The following ARHGAP32 variants were observed in gnomAD, a reference collection of about 807,000 sequenced individuals.
The protein encoded by ARHGAP32 is rho GTPase-activating protein 32.
ARHGAP32 carries 51 observed loss-of-function variants against 186.5 expected under a neutral mutation model. The ratio of observed to expected loss-of-function variants is 0.27; its 90% CI spans 0.22 to 0.35. The LOEUF is 0.35. ARHGAP32 is among the 10% of genes least tolerant of loss of function. The pLI, the probability that ARHGAP32 is intolerant of heterozygous loss-of-function variation, is 1.00. For missense variants in ARHGAP32, 2,186 were observed against 2,623.5 expected (o/e 0.83, Z 3.64); for synonymous variants, 950 against 964.3 (o/e 0.99, Z 0.27).
intron 5 of ARHGAP32, among the ~76,000 whole-genome samples, chr11:129,099,690 A>G (rs144705680): frequency 6.6e-6 from 1 of 152,348 alleles, no homozygotes; most frequent in African/African-American, 2.4e-5. Context: ...AAGTTTAGAA[A>G]CAAAAAAGAA....
Position 129,277,682 on chromosome 11 carries a change from T to C in ARHGAP32, c.-5+1464A>G, listed in dbSNP as rs150678639. Among the ~76,000 whole-genome samples the C allele has an allele frequency of 6.6e-5, 10 of 152,272 alleles. No individual in the cohort carries two copies. In the East Asian group the frequency reaches 1.5e-3, roughly 23 times the overall value. ...ACACAATTCCAACCTGACATTTCCA[T>C]AGAGACACCTGCTCTATGAAGCATC... On this transcript the variant is annotated intron_variant, in intron 1 of 6. Transcript: ENST00000525234.
At chr11:129,066,047 T>A (rs1427671301) in intron 7 of ARHGAP32, among the ~76,000 whole-genome samples, 1 of 152,176 alleles carries the variant, frequency 6.6e-6, no homozygotes, top group East Asian at 1.9e-4. Flanking sequence ...ATCCATTTCA[T>A]GAATGTGACA....
chr11:128,973,803 G>C (rs895122666), intron 21 of ARHGAP32: 22 of 508,098 alleles, frequency 4.3e-5, no homozygotes, highest in Non-Finnish European at 6.2e-5. Context: ...AACTTGGAAG[G>C]CTACAATAAA....
At chr11:129,141,875 G>C (rs1943061696) in intron 2 of ARHGAP32, among the ~76,000 whole-genome samples, 1 of 151,940 alleles carries the variant, frequency 6.6e-6, no homozygotes, top group Non-Finnish European at 1.5e-5. Context: ...AAAGGAAAGA[G>C]AGAAAGAGAA....
rs1398274096 is a variant in ARHGAP32, at chr11:128,976,593, C to T, written c.2164G>A (p.Glu722Lys). 1 of 1,613,956 alleles carries T rather than the reference C, an allele frequency of 6.2e-7. No homozygotes were observed. The highest frequency in any genetic ancestry group is 8.5e-7 in the Non-Finnish European group (1 of 1,179,896). ...ACTGCATGGAGAGATGTAAGAGACT[C>T]CTCACTTTTAGCTGAACGGAGGGTT... ...EGTLRSAKSEESLTSLHAVDG... is the reference protein window; with the variant it reads ...EGTLRSAKSEKSLTSLHAVDG... Residue 722 changes from glutamate (E) to lysine (K), a missense_variant, in exon 20 of 23, where the codon GAG becomes AAG. Coordinates refer to ENST00000682385, the MANE Select transcript of ARHGAP32 (RefSeq NM_001378024.1).
chr11:129,071,362 A>G (rs1423155156), intron 6 of ARHGAP32, among the ~76,000 whole-genome samples: 1 of 148,272 alleles, frequency 6.7e-6, no homozygotes, highest in Non-Finnish European at 1.5e-5. Flanking sequence ...AACTCTACAG[A>G]AAAAAAAAAT....
intron 2 of ARHGAP32, among the ~76,000 whole-genome samples, chr11:129,139,588 T>C (rs1943006748): frequency 6.6e-6 from 1 of 152,126 alleles, no homozygotes; most frequent in Non-Finnish European, 1.5e-5. Context: ...CGGGTCTTTC[T>C]TGTGCTGTTC....
chr11:129,114,352 A>G (rs1220221373), intron 5 of ARHGAP32, among the ~76,000 whole-genome samples: 1 of 152,166 alleles, frequency 6.6e-6, no homozygotes, highest in African/African-American at 2.4e-5. Flanking sequence ...GCCACAGGAC[A>G]TAATCTCTCT....
At chr11:129,195,535 C>G (rs1451918793), upstream of ARHGAP32, among the ~76,000 whole-genome samples, 1 of 151,916 alleles carries the variant, frequency 6.6e-6, no homozygotes, top group East Asian at 1.9e-4. Context: ...GGATTACAGG[C>G]ACCCGCCACC....
intron 1 of ARHGAP32, among the ~76,000 whole-genome samples, chr11:129,217,154 T>A (rs1944658921): frequency 1.3e-5 from 2 of 152,196 alleles, no homozygotes; most frequent in East Asian, 3.8e-4. Context: ...GGAGCATGAA[T>A]AATCAGTGTG....
Position 128,970,132 on chromosome 11 carries a change from G to C in ARHGAP32, c.5081C>G (p.Pro1694Arg), listed in dbSNP as rs2136061981. The change falls in exon 23 of 23, where the codon CCC becomes CGC. Residue 1694 changes from proline to arginine, a missense_variant. Transcript: ENST00000682385. This position sits in a 1 kb window ranked among gnomAD's most constrained non-coding sequence, Gnocchi z 5.8. ...VDAYGTVQLR[P>R]LHRLPNRDFA... is the part of the protein sequence containing the mutation. ...GTCTCGATTGGGAAGGCGGTGAAGG[G>C]GTCTCAACTGGACTGTGCCATAGGC... 1.9e-6 allele frequency: 3 copies of C among 1,614,156 alleles called. No homozygotes were observed. Among genetic ancestry groups the C allele is most frequent in the Non-Finnish European group, 2.5e-6 (3 of 1,180,026 alleles).
At chr11:129,279,333 C>T (rs1485976720), upstream of ARHGAP32, 1 of 144,940 alleles carries the variant, frequency 6.9e-6, no homozygotes, top group Non-Finnish European at 1.5e-5. Context: ...GCGTCCCCCG[C>T]GCCAGCGCCT....
chr11:129,162,317 T>C (rs1433692379), intron 2 of ARHGAP32, among the ~76,000 whole-genome samples: 1 of 152,004 alleles, frequency 6.6e-6, no homozygotes, highest in African/African-American at 2.4e-5. Flanking sequence ...CTAAAATAAA[T>C]TACACATAAT....
chr11:129,120,948 T>C (rs1448439760), intron 5 of ARHGAP32, among the ~76,000 whole-genome samples: 1 of 152,104 alleles, frequency 6.6e-6, no homozygotes, highest in Non-Finnish European at 1.5e-5. Context: ...TATTGACACA[T>C]TTTACTAAGT....
intron 11 of ARHGAP32, among the ~76,000 whole-genome samples, chr11:129,016,449 GA>G (rs1448468635): frequency 6.6e-6 from 1 of 152,088 alleles, no homozygotes; most frequent in Non-Finnish European, 1.5e-5. Flanking sequence ...TTTTTAGGGA[GA>G]GATATATACT....
At chr11:129,208,239 T>A (rs950420995) in intron 1 of ARHGAP32, among the ~76,000 whole-genome samples, 1 of 152,182 alleles carries the variant, frequency 6.6e-6, no homozygotes, top group Non-Finnish European at 1.5e-5. Context: ...GAACATCCCA[T>A]TCTAGTCTAT....
chr11:129,012,351 A>G (rs1275657774), intron 11 of ARHGAP32, among the ~76,000 whole-genome samples: 1 of 152,248 alleles, frequency 6.6e-6, no homozygotes, highest in Non-Finnish European at 1.5e-5. Flanking sequence ...ACTTGGAAAC[A>G]TCAACATGAA....
At chr11:129,119,608 T>C (rs2135369838) in intron 5 of ARHGAP32, among the ~76,000 whole-genome samples, 1 of 151,918 alleles carries the variant, frequency 6.6e-6, no homozygotes, top group East Asian at 1.9e-4. Context: ...AGAAAATAAA[T>C]AATAAAATAT....
At chr11:129,183,185 A>G (rs183831677) in intron 1 of ARHGAP32, among the ~76,000 whole-genome samples, 2 of 152,220 alleles carry the variant, frequency 1.3e-5, no homozygotes, top group Non-Finnish European at 2.9e-5. Context: ...ATTCTACCCC[A>G]TAATACTTCT....
Sources: gnomAD v4.1 joint callset for allele counts (sites outside exome capture counted in the v4.1 genomes callset) on GRCh38, gnomAD v4.1.1 for gene constraint, Gnocchi (gnomAD v3.1) non-coding constraint, MANE v1.5 for transcripts, NCBI Gene and HGNC (gene_info 2026-07-23, HGNC 2026-07-21) for gene names.